GUCA1C: variants seen among roughly 807,000 people sequenced by gnomAD.
GUCA1C encodes guanylate cyclase activator 1C.
GUCA1C carries 15 observed loss-of-function variants against 16.2 expected under a neutral mutation model. That is an observed-to-expected ratio of 0.93 (90% CI 0.62 to 1.43). The LOEUF (loss-of-function observed/expected upper bound fraction) is 1.43, where lower values mean the gene tolerates loss of function less well. Among genes scored for constraint, GUCA1C ranks in the 40% most tolerant of loss-of-function variants. The probability of loss-of-function intolerance (pLI) is 0.00; values close to 1 mark genes in which losing one functional copy is unlikely to be tolerated. For synonymous variants in GUCA1C, 78 were observed against 85.4 expected (o/e 0.91, Z 0.48); for missense variants, 275 against 244.8 (o/e 1.12, Z -0.82).
rs190627239 is a variant in GUCA1C, at chr3:108,917,304, T to C, written c.355-1090A>G. On this transcript the variant is annotated intron_variant, in intron 2 of 3. Transcript: ENST00000261047. ...CCACATAAAAAGTCATGATAAAAAA[T>C]TGTGAGATCTTGATTTGTTCATCAC... 4.6e-5 allele frequency among the ~76,000 whole-genome samples: 7 copies of C among 152,274 alleles called. No homozygotes were observed. In the East Asian group the frequency reaches 1.4e-3, roughly 29 times the overall value.
At chr3:108,933,770 G>C (rs933237639) in intron 1 of GUCA1C, among the ~76,000 whole-genome samples, 1 of 152,110 alleles carries the variant, frequency 6.6e-6, no homozygotes, top group Non-Finnish European at 1.5e-5. Flanking sequence ...AAAGCAGTTT[G>C]GAGATTTCTC....
chr3:108,924,274 T>A (rs1160155317), intron 1 of GUCA1C, among the ~76,000 whole-genome samples: 1 of 152,186 alleles, frequency 6.6e-6, no homozygotes, highest in African/African-American at 2.4e-5. Flanking sequence ...ATGTTGGCTG[T>A]GGGTTTGTCA....
intron 1 of GUCA1C, among the ~76,000 whole-genome samples, chr3:108,947,205 A>G (rs1946852083): frequency 6.6e-6 from 1 of 152,240 alleles, no homozygotes; most frequent in South Asian, 2.1e-4. Context: ...ATGCATTCTA[A>G]CAATAAAGTA....
intron 1 of GUCA1C, among the ~76,000 whole-genome samples, chr3:108,928,973 G>C (rs114137498): frequency 0.019 from 2,909 of 152,238 alleles, 87 homozygotes; most frequent in African/African-American, 0.066. Flanking sequence ...TATTTACAAA[G>C]TAACTTGCTA....
At chr3:108,936,395 T>C (rs1241038932) in intron 1 of GUCA1C, among the ~76,000 whole-genome samples, 1 of 152,228 alleles carries the variant, frequency 6.6e-6, no homozygotes, top group South Asian at 2.1e-4. Flanking sequence ...TCACTTTCAA[T>C]GCATTATTTC....
rs71629371 is a variant in GUCA1C at position 108,934,808 on chromosome 3, C to CTTTTT, written c.205-14228_205-14224dup. Among the ~76,000 whole-genome samples the CTTTTT allele has an allele frequency of 2.8e-3, 243 of 86,094 alleles. 2 individuals are homozygous for CTTTTT. The highest frequency in any genetic ancestry group is 3.1e-3 in the Non-Finnish European group (152 of 49,742). The allele number at this position is 86,094 out of a possible 152,430, so 56.5% of individuals were successfully genotyped here. A position where few individuals can be genotyped will look rare whatever the true frequency, so the allele number is the denominator to read the frequency against. The stretch of plus-strand genomic sequence containing the variant: ...ACATATTCTCACTTATGTTCTTGAT[C>CTTTTT]TTTTTTTTTTTTTTTTTTTTTTTGA... On this transcript the variant is annotated intron_variant, in intron 1 of 3. Transcript: ENST00000261047.
At chr3:108,933,149 C>G (rs576644027) in intron 1 of GUCA1C, among the ~76,000 whole-genome samples, 1 of 152,234 alleles carries the variant, frequency 6.6e-6, no homozygotes, top group East Asian at 1.9e-4. Flanking sequence ...TATCCTTTTA[C>G]TCCACCAATT....
intron 1 of GUCA1C, among the ~76,000 whole-genome samples, chr3:108,927,606 C>T (rs1946634352): frequency 6.6e-6 from 1 of 152,098 alleles, no homozygotes; most frequent in African/African-American, 2.4e-5. Flanking sequence ...TTTATTTACA[C>T]TATCTATTTC....
At position 108,953,638 on chromosome 3, in the gene GUCA1C, G is replaced by C. The variant is rs770018395; in HGVS notation, c.125C>G (p.Thr42Arg). ...ATTCAGACCTTGCAGACCCAAAAGT[G>C]TCTTAAATTCATGTAGTGTTTGCAG... ...SGLQTLHEFK[T>R]LLGLQGLNQK... Residue 42 changes from threonine to arginine, a missense_variant, in exon 1 of 4, where the codon ACA becomes AGA. Coordinates refer to ENST00000261047, the MANE Select transcript of GUCA1C (RefSeq NM_005459.4). 4.3e-6 allele frequency: 7 copies of C among 1,612,920 alleles called. No individual in the cohort carries two copies. The highest frequency in any genetic ancestry group is 5.9e-6 in the Non-Finnish European group (7 of 1,178,926).
chr3:108,948,074 C>A (rs1946860357), intron 1 of GUCA1C, among the ~76,000 whole-genome samples: 1 of 152,140 alleles, frequency 6.6e-6, no homozygotes, highest in African/African-American at 2.4e-5. Context: ...GATCCTCAGA[C>A]TGCCCTCACC....
At chr3:108,934,899 C>T (rs1176960408) in intron 1 of GUCA1C, among the ~76,000 whole-genome samples, 3 of 144,636 alleles carry the variant, frequency 2.1e-5, no homozygotes, top group African/African-American at 7.6e-5. Flanking sequence ...CTGCAAGCTC[C>T]GCCTCCCGGG....
chr3:108,908,615 T>C (rs1228072607), intron 3 of GUCA1C, among the ~76,000 whole-genome samples: 1 of 152,210 alleles, frequency 6.6e-6, no homozygotes, highest in Non-Finnish European at 1.5e-5. Flanking sequence ...AATATTCTTC[T>C]CTCTGAAGAA....
intron 3 of GUCA1C, among the ~76,000 whole-genome samples, chr3:108,914,693 G>A (rs1946488655): frequency 6.6e-6 from 1 of 152,132 alleles, no homozygotes; most frequent in Non-Finnish European, 1.5e-5. Context: ...TCCAATCCCT[G>A]CCATCCTGCA....
intron 2 of GUCA1C, among the ~76,000 whole-genome samples, chr3:108,918,976 CAAAAT>C (rs1301210718): frequency 1.3e-5 from 2 of 152,060 alleles, no homozygotes; most frequent in Admixed American, 6.5e-5. Context: ...TTTCCTGACT[CAAAAT>C]AAGTAATGCT....
intron 1 of GUCA1C, among the ~76,000 whole-genome samples, chr3:108,943,524 G>A (rs968034479): frequency 6.6e-6 from 1 of 152,142 alleles, no homozygotes; most frequent in Non-Finnish European, 1.5e-5. Flanking sequence ...CAGGAGATAA[G>A]GAGGGGGACT....
At chr3:108,951,461 A>G (rs1946895079) in intron 1 of GUCA1C, among the ~76,000 whole-genome samples, 1 of 152,246 alleles carries the variant, frequency 6.6e-6, no homozygotes, top group Admixed American at 6.5e-5. Context: ...AGTCGAACTT[A>G]TAAAAACACA....
intron 1 of GUCA1C, among the ~76,000 whole-genome samples, chr3:108,923,766 A>T (rs982414839): frequency 1.3e-5 from 2 of 152,022 alleles, no homozygotes. Flanking sequence ...CACAATATTG[A>T]TTCTACTCAT....
At chr3:108,917,167 C>T (rs1160963814) in intron 2 of GUCA1C, among the ~76,000 whole-genome samples, 4 of 152,304 alleles carry the variant, frequency 2.6e-5, no homozygotes, top group African/African-American at 9.6e-5. Flanking sequence ...ATACATACAG[C>T]ATCACATTTG....
intron 1 of GUCA1C, among the ~76,000 whole-genome samples, chr3:108,952,106 C>G (rs1031471860): frequency 6.6e-6 from 1 of 152,196 alleles, no homozygotes; most frequent in Non-Finnish European, 1.5e-5. Context: ...TAAGAAGCTG[C>G]TGTCTAGAGC....
Sources: allele counts gnomAD v4.1 joint callset (sites outside exome capture counted in the v4.1 genomes callset), GRCh38; gene constraint gnomAD v4.1.1; transcripts MANE v1.5; gene names NCBI Gene and HGNC (gene_info 2026-07-23, HGNC 2026-07-21).